The following SLC9A1 variants were observed in gnomAD, a reference collection of about 807,000 sequenced individuals.
SLC9A1 encodes sodium/hydrogen exchanger 1.
SLC9A1 carries 22 observed loss-of-function variants against 67.9 expected under a neutral mutation model. The ratio of observed to expected loss-of-function variants is 0.32; its 90% CI spans 0.23 to 0.46. The LOEUF is 0.46. Ranked by LOEUF, SLC9A1 falls within the 20% of genes least tolerant of loss-of-function variation. SLC9A1 has a pLI of 1.00. For missense variants in SLC9A1, 686 were observed against 1,094.8 expected (o/e 0.63, Z 5.27); for synonymous variants, 421 against 471.8 (o/e 0.89, Z 1.40).
Position 27,107,715 on chromosome 1 carries a change from G to A in SLC9A1, c.1215C>T (p.Gly405=). The part of the protein sequence containing the change: ...FIFLGVSTVA[G]SHHWNWTFVI... ...CGAAGGTCCAGTTCCAGTGGTGGGA[G>A]CCGGCCACCGTGGAGACGCCGAGGA... is the stretch of plus-strand genomic sequence containing the variant. The change falls in exon 4 of 12, where the codon GGC becomes GGT. Residue 405 remains glycine (G), a synonymous_variant. Coordinates refer to ENST00000263980, the MANE Select transcript of SLC9A1 (RefSeq NM_003047.5). 1 of 1,577,532 alleles carries A rather than the reference G, an allele frequency of 6.3e-7. No individual in the cohort carries two copies. The highest frequency in any genetic ancestry group is 8.6e-7 in the Non-Finnish European group (1 of 1,162,324).
In SLC9A1 at chr1:27,098,980, G is replaced by T. The variant is rs1225071175; in HGVS notation, c.*1327C>A. On this transcript the variant is annotated 3_prime_UTR_variant, in exon 12 of 12. Coordinates refer to ENST00000263980, the MANE Select transcript of SLC9A1 (RefSeq NM_003047.5). ...GCATGGAGAGGAGGATGGACAGATG[G>T]GCCGAGGACCCATGGCCCAGTCCCC... 1 of 152,666 alleles carries T rather than the reference G, an allele frequency of 6.6e-6. No homozygotes were observed. Among genetic ancestry groups the T allele is most frequent in the Non-Finnish European group, 1.5e-5 (1 of 68,092 alleles). 9.5% of individuals were successfully genotyped at this position (152,666 alleles called of 1,614,324 possible). A position where few individuals can be genotyped will look rare whatever the true frequency, so the allele number is the denominator to read the frequency against.
rs551406943 is a variant in SLC9A1, at chr1:27,155,098, C to G, written c.-764G>C. Among the ~76,000 whole-genome samples the G allele has an allele frequency of 6.6e-6, 1 of 152,056 alleles. No individual in the cohort carries two copies. Among genetic ancestry groups the G allele is most frequent in the Non-Finnish European group, 1.5e-5 (1 of 67,992 alleles). On this transcript the variant is annotated 5_prime_UTR_variant, in exon 1 of 12. Transcript: ENST00000263980. This position sits in a 1 kb window ranked among gnomAD's most constrained non-coding sequence, Gnocchi z 4.5. ...TCCTGGTCCAGCTCCAGAACTAACC[C>G]TAGCCCCGGCCCCGGCGGCAGCAGA...
At chr1:27,105,380 A>ACCT in intron 5 of SLC9A1, 1 of 299,212 alleles carries the variant, frequency 3.3e-6, no homozygotes, top group South Asian at 3.9e-5. Flanking sequence ...GCTCACTGCA[A>ACCT]CCTCCACCTC....
At chr1:27,115,649 T>C (rs942099765) in intron 1 of SLC9A1, among the ~76,000 whole-genome samples, 1 of 151,510 alleles carries the variant, frequency 6.6e-6, no homozygotes, top group African/African-American at 2.4e-5. Flanking sequence ...TCATCTCCAC[T>C]TAAAAAAAAT....
intron 1 of SLC9A1, among the ~76,000 whole-genome samples, chr1:27,135,421 C>T (rs1242922043): frequency 6.6e-6 from 1 of 151,046 alleles, no homozygotes; most frequent in Non-Finnish European, 1.5e-5. Flanking sequence ...ATTCAGAGTG[C>T]TCGGCCCGAG....
intron 1 of SLC9A1, among the ~76,000 whole-genome samples, chr1:27,149,482 G>A (rs561064691): frequency 2.2e-4 from 34 of 152,276 alleles, no homozygotes; most frequent in Admixed American, 4.6e-4. Flanking sequence ...ACACACACCC[G>A]TTCAACACAG....
intron 1 of SLC9A1, among the ~76,000 whole-genome samples, chr1:27,127,372 C>A (rs2083352830): frequency 6.6e-6 from 1 of 152,194 alleles, no homozygotes; most frequent in African/African-American, 2.4e-5. Flanking sequence ...TGCTGTAAAG[C>A]AGACTTTTCT....
intron 1 of SLC9A1, among the ~76,000 whole-genome samples, chr1:27,144,170 T>G (rs1188375063): frequency 6.6e-6 from 1 of 152,190 alleles, no homozygotes; most frequent in Non-Finnish European, 1.5e-5. Context: ...AACTATAAAT[T>G]AACAAGATTG....
At chr1:27,153,920 G>A in intron 1 of SLC9A1, 63 bp downstream of exon 1, 1 of 1,108,296 alleles carries the variant, frequency 9.0e-7, no homozygotes, top group Non-Finnish European at 1.3e-6. Flanking sequence ...CAAATGGTGC[G>A]AGATGAGGCA....
chr1:27,112,649 T>C (rs1156561273), intron 2 of SLC9A1, among the ~76,000 whole-genome samples: 2 of 151,960 alleles, frequency 1.3e-5, no homozygotes, highest in African/African-American at 4.8e-5. Context: ...TTTGGGAGGC[T>C]GAGGTGGGCG....
At chr1:27,119,015 T>C (rs998849495) in intron 1 of SLC9A1, among the ~76,000 whole-genome samples, 1 of 150,878 alleles carries the variant, frequency 6.6e-6, no homozygotes, top group Admixed American at 6.7e-5. Context: ...TTTTTCATTC[T>C]ATCTAGTGTA....
intron 1 of SLC9A1, among the ~76,000 whole-genome samples, chr1:27,124,158 C>G (rs570190074): frequency 4.6e-5 from 7 of 152,164 alleles, no homozygotes; most frequent in Non-Finnish European, 8.8e-5. Flanking sequence ...GCTCCAGGTA[C>G]CAGTTTGCCC....
intron 1 of SLC9A1, among the ~76,000 whole-genome samples, chr1:27,125,989 C>T (rs968889467): frequency 2.0e-5 from 3 of 152,170 alleles, no homozygotes; most frequent in Non-Finnish European, 4.4e-5. Context: ...CACTCACTGT[C>T]CCCTAGCTCT....
At position 27,154,239 on chromosome 1, in the gene SLC9A1, G is replaced by A; in HGVS notation, c.96C>T (p.Leu32=). The change falls in exon 1 of 12, where the codon CTC becomes CTT. Residue 32 remains leucine, a synonymous_variant. Transcript: ENST00000263980. The part of the protein sequence containing the change: ...VVALVGLLPV[L]RSHGLQLSPT... ...GGCTGAGCTGGAGGCCATGGCTCCT[G>A]AGAACAGGCAGCAGCCCCACCAAAG... is the stretch of plus-strand genomic sequence containing the variant. 6.2e-7 allele frequency: 1 copy of A among 1,614,048 alleles called. No homozygotes were observed. The highest frequency in any genetic ancestry group is 8.5e-7 in the Non-Finnish European group (1 of 1,179,946).
Position 27,100,230 on chromosome 1 carries a change from G to T in SLC9A1, c.*77C>A. ...GCAGGGCCAATCCGGGTCAGGAAGG[G>T]CAAGGGGAGCCCCCAGCAGCCCCTG... On this transcript the variant is annotated 3_prime_UTR_variant, in exon 12 of 12. Transcript: ENST00000263980. The surrounding 1 kb of genome is among the most constrained non-coding windows in gnomAD (Gnocchi z 5.6). 8.6e-7 allele frequency: 1 copy of T among 1,157,312 alleles called. No homozygotes were observed. The highest frequency in any genetic ancestry group is 1.2e-6 in the Non-Finnish European group (1 of 840,628). The allele number at this position is 1,157,312 out of a possible 1,614,324, so 71.7% of individuals were successfully genotyped here.
chr1:27,131,062 C>T (rs1256535201), intron 1 of SLC9A1, among the ~76,000 whole-genome samples: 1 of 152,222 alleles, frequency 6.6e-6, no homozygotes, highest in Non-Finnish European at 1.5e-5. Context: ...CTGGGCAGGG[C>T]CCATCGTGTG....
At chr1:27,148,529 T>G (rs558802746) in intron 1 of SLC9A1, among the ~76,000 whole-genome samples, 26 of 152,270 alleles carry the variant, frequency 1.7e-4, no homozygotes, top group African/African-American at 3.6e-4. Flanking sequence ...AGGAGAGAGT[T>G]TGGCCTTGAG....
At chr1:27,107,973 C>T (rs554813002) in intron 3 of SLC9A1, 108 bp from the exon 4 acceptor site, 28 of 781,448 alleles carry the variant, frequency 3.6e-5, no homozygotes, top group Non-Finnish European at 4.7e-5. Context: ...ATGTCCCAAG[C>T]TCCTCTATGG....
chr1:27,113,091 C>G (rs1484695430), intron 2 of SLC9A1, among the ~76,000 whole-genome samples: 1 of 152,028 alleles, frequency 6.6e-6, no homozygotes, highest in Non-Finnish European at 1.5e-5. Flanking sequence ...AAAGGCCCCT[C>G]ACAGATGATA....
Sources: gnomAD v4.1 joint callset for allele counts (sites outside exome capture counted in the v4.1 genomes callset) on GRCh38, gnomAD v4.1.1 for gene constraint, Gnocchi (gnomAD v3.1) non-coding constraint, MANE v1.5 for transcripts, NCBI Gene and HGNC (gene_info 2026-07-23, HGNC 2026-07-21) for gene names.